TBC1D8: variants seen among roughly 807,000 people sequenced by gnomAD.
TBC1D8 encodes BUB2-like protein 1.
A neutral mutation model predicts 118.8 loss-of-function variants in TBC1D8; 65 were observed. The observed-to-expected ratio is 0.55, with a 90% confidence interval of 0.45 to 0.67. The LOEUF (loss-of-function observed/expected upper bound fraction) is 0.67. TBC1D8 is among the 30% of genes least tolerant of loss of function. The pLI is 0.00. For synonymous variants in TBC1D8, 566 were observed against 595.8 expected, an observed-to-expected ratio of 0.95 and a Z score of 0.73; for missense variants, 1,376 against 1,471.2, an observed-to-expected ratio of 0.94 and a Z score of 1.06.
intron 1 of TBC1D8, among the ~76,000 whole-genome samples, chr2:101,127,489 T>C (rs1008290900): frequency 1.3e-5 from 2 of 152,028 alleles, no homozygotes; most frequent in African/African-American, 2.4e-5. Context: ...AGAACAGACG[T>C]CAGTATGGAG....
At chr2:101,100,210 C>T (rs1415306680) in intron 1 of TBC1D8, among the ~76,000 whole-genome samples, 1 of 152,110 alleles carries the variant, frequency 6.6e-6, no homozygotes, top group Non-Finnish European at 1.5e-5. Flanking sequence ...CATTCCTATA[C>T]ACCAACAACA....
At chr2:101,096,091 T>G (rs1031020695) in intron 1 of TBC1D8, among the ~76,000 whole-genome samples, 2 of 152,148 alleles carry the variant, frequency 1.3e-5, no homozygotes, top group Non-Finnish European at 2.9e-5. Flanking sequence ...TTTTTTTATG[T>G]TTTTAGTTTT....
At chr2:101,139,541 T>C (rs1453327792) in intron 1 of TBC1D8, among the ~76,000 whole-genome samples, 2 of 152,128 alleles carry the variant, frequency 1.3e-5, no homozygotes, top group Admixed American at 6.6e-5. Flanking sequence ...TCCTCCTGGC[T>C]TCAGGGAAAA....
At position 101,049,491 on chromosome 2, in the gene TBC1D8, G is replaced by C. The variant is rs1458466972; in HGVS notation, c.872+910C>G. Among the ~76,000 whole-genome samples, 6 of 152,126 alleles carry C rather than the reference G, an allele frequency of 3.9e-5. No individual in the cohort carries two copies. In the East Asian group the frequency reaches 9.7e-4, roughly 25 times the overall value. On this transcript the variant is annotated intron_variant, in intron 5 of 19. Transcript: ENST00000409318. ...CACCTGTAATCCCAGCACTTTGGGAGGCTGAGGCGGGTGGAACATGTGGTC... is the reference window on the plus strand; with the variant it reads ...CACCTGTAATCCCAGCACTTTGGGACGCTGAGGCGGGTGGAACATGTGGTC...
At chr2:101,026,622 C>CA (rs1247112406) in intron 15 of TBC1D8, among the ~76,000 whole-genome samples, 1 of 152,194 alleles carries the variant, frequency 6.6e-6, no homozygotes, top group Non-Finnish European at 1.5e-5. Context: ...CGAGCTGGGG[C>CA]AGCCACACCC....
chr2:101,007,909 A>T lies in TBC1D8; in HGVS notation c.3380T>A (p.Leu1127His), dbSNP rs1573841632. Reference sequence around the variant, plus strand: ...GTACTGATTGATCTTGGCATTTTCAAGTTTGGATTTCATGTCCAGTGGCTT... The same window carrying T: ...GTACTGATTGATCTTGGCATTTTCATGTTTGGATTTCATGTCCAGTGGCTT... ...FEKPLDMKSK[L>H]ENAKINQYNL... The change falls in exon 20 of 20, where the codon CTT becomes CAT. Residue 1127 changes from leucine to histidine, a missense_variant. Physicochemically the swap from Leu to His is moderately conservative, Grantham distance 99. Transcript: ENST00000409318. 4.3e-6 allele frequency: 7 copies of T among 1,614,014 alleles called. No individual in the cohort carries two copies. The East Asian group carries it at 1.6e-4, about 36-fold the overall frequency.
Position 101,011,489 on chromosome 2 carries a change from A to G in TBC1D8, c.2879T>C (p.Leu960Ser), listed in dbSNP as rs748358702. 1.2e-6 allele frequency: 2 copies of G among 1,613,852 alleles called. No individual in the cohort carries two copies. The highest frequency in any genetic ancestry group is 1.7e-6 in the Non-Finnish European group (2 of 1,179,876). Residue 960 changes from leucine to serine, a missense_variant, in exon 18 of 20, where the codon TTG becomes TCG. Physicochemically the swap from Leu to Ser is moderately radical, Grantham distance 145. Transcript: ENST00000409318. The stretch of plus-strand genomic sequence containing the variant: ...GAAAACCAGGGGTCTCGATGTTGAC[A>G]ACAGAGGATTCCTCAACGGCGACTG... ...DSQSPLRNPL[L>S]STSRPLVFGK...
intron 17 of TBC1D8, among the ~76,000 whole-genome samples, chr2:101,017,593 A>T (rs1026129848): frequency 6.6e-6 from 1 of 152,248 alleles, no homozygotes; most frequent in Non-Finnish European, 1.5e-5. Context: ...TATATTTATC[A>T]GTACCTACCA....
At chr2:101,134,716 G>A (rs1678762087) in intron 1 of TBC1D8, among the ~76,000 whole-genome samples, 1 of 152,130 alleles carries the variant, frequency 6.6e-6, no homozygotes, top group Admixed American at 6.5e-5. Context: ...CTCCCTGCAG[G>A]CACTATCTTC....
intron 2 of TBC1D8, among the ~76,000 whole-genome samples, chr2:101,067,017 CATT>C: frequency 6.6e-6 from 1 of 150,514 alleles, no homozygotes; most frequent in East Asian, 2.0e-4. Flanking sequence ...TGTGCGATTG[CATT>C]ATTACGAATC....
chr2:101,071,091 G>A (rs1293641793), intron 2 of TBC1D8, among the ~76,000 whole-genome samples: 2 of 152,100 alleles, frequency 1.3e-5, no homozygotes, highest in African/African-American at 2.4e-5. Flanking sequence ...TGTAATCCCA[G>A]CACTTTGGGA....
intron 1 of TBC1D8, 84 bp from the exon 2 acceptor site, chr2:101,090,448 T>G: frequency 3.5e-6 from 5 of 1,442,282 alleles, no homozygotes; most frequent in Non-Finnish European, 4.8e-6. Context: ...GGTCGCTGTC[T>G]GGACTCCATG....
At chr2:101,073,861 G>A (rs1674636897) in intron 2 of TBC1D8, among the ~76,000 whole-genome samples, 1 of 152,196 alleles carries the variant, frequency 6.6e-6, no homozygotes, top group African/African-American at 2.4e-5. Context: ...TTAGGCTTTG[G>A]CTAAAAGAGA....
chr2:101,127,782 A>T (rs1201677098), intron 1 of TBC1D8, among the ~76,000 whole-genome samples: 1 of 152,196 alleles, frequency 6.6e-6, no homozygotes, highest in Non-Finnish European at 1.5e-5. Flanking sequence ...CTGAGCCTGG[A>T]GGAAGTTGGT....
intron 12 of TBC1D8, 75 bp from the exon 13 acceptor site, chr2:101,028,507 C>G: frequency 6.7e-7 from 1 of 1,494,870 alleles, no homozygotes; most frequent in Non-Finnish European, 8.9e-7. Context: ...TTCACAGTGT[C>G]AGACATGCCA....
At chr2:101,037,251 C>A (rs530324599) in intron 8 of TBC1D8, among the ~76,000 whole-genome samples, 1 of 152,302 alleles carries the variant, frequency 6.6e-6, no homozygotes, top group African/African-American at 2.4e-5. Flanking sequence ...AGGAGAGGAA[C>A]CCATTCTGTG....
intron 1 of TBC1D8, among the ~76,000 whole-genome samples, chr2:101,119,218 G>A (rs2104229015): frequency 6.6e-6 from 1 of 152,280 alleles, no homozygotes; most frequent in Admixed American, 6.5e-5. Context: ...ATGCATGTTT[G>A]CCAGTAGCTA....
Position 101,040,478 on chromosome 2 carries a change from T to C in TBC1D8, c.873-93A>G, listed in dbSNP as rs115281665. ...AAAATACTTTTCCTTTTTTGTTTCATTTTATTTTTGAGACAGAGTCTCGCT... is the reference window on the plus strand; with the variant it reads ...AAAATACTTTTCCTTTTTTGTTTCACTTTATTTTTGAGACAGAGTCTCGCT... On this transcript the variant is annotated intron_variant, in intron 5 of 19. Coordinates refer to ENST00000409318, the MANE Select transcript of TBC1D8 (RefSeq NM_001330348.2). The C allele has an allele frequency of 3.7e-3, 4,859 of 1,327,100 alleles. 145 individuals carry two copies. The African/African-American group carries it at 0.064, about 17-fold the overall frequency. The allele number at this position is 1,327,100 out of a possible 1,614,324, so 82.2% of individuals were successfully genotyped here.
intron 2 of TBC1D8, among the ~76,000 whole-genome samples, chr2:101,089,309 G>A (rs1012127065): frequency 2.0e-5 from 3 of 152,074 alleles, no homozygotes; most frequent in African/African-American, 7.2e-5. Flanking sequence ...AAACCACCAC[G>A]TATATATGCA....
Sources: allele counts gnomAD v4.1 joint callset (sites outside exome capture counted in the v4.1 genomes callset), GRCh38; gene constraint gnomAD v4.1.1; transcripts MANE v1.5; gene names NCBI Gene and HGNC (gene_info 2026-07-23, HGNC 2026-07-21).